The following ODAM variants were observed in gnomAD, a reference collection of about 807,000 sequenced individuals.
The protein encoded by ODAM is odontogenic, ameloblast associated.
ODAM carries 55 observed loss-of-function variants against 48.5 expected under a neutral mutation model. The ratio of observed to expected loss-of-function variants is 1.13; its 90% confidence interval spans 0.91 to 1.42. The LOEUF is 1.42. Among genes scored for constraint, ODAM ranks in the 40% most tolerant of loss-of-function variants. The pLI is 0.00. For synonymous variants in ODAM, 127 were observed against 107.8 expected (o/e 1.18, Z -1.10); for missense variants, 353 against 323.6 (o/e 1.09, Z -0.70).
At chr4:70,199,973 T>A (rs192862115) in intron 6 of ODAM, 33 of 320,726 alleles carry the variant, frequency 1.0e-4, no homozygotes, top group Middle Eastern at 1.1e-3. Flanking sequence ...TGGGGAAGTT[T>A]CAGATGATTT....
At chr4:70,202,094 T>C (rs563207111) in intron 8 of ODAM, among the ~76,000 whole-genome samples, 164 bp from the exon 9 acceptor site, 30 of 152,066 alleles carry the variant, frequency 2.0e-4, no homozygotes, top group African/African-American at 7.2e-4. Context: ...AGGCGAGATG[T>C]CAAGCCAGTT....
chr4:70,201,404 G>T, intron 7 of ODAM, 50 bp from the exon 8 acceptor site: 2 of 896,090 alleles, frequency 2.2e-6, no homozygotes, highest in East Asian at 2.7e-5. Context: ...GCAAACTTAC[G>T]ACAAGAATAA....
At chr4:70,200,662 AT>A in intron 7 of ODAM, 61 bp downstream of exon 7, 2 of 1,108,488 alleles carry the variant, frequency 1.8e-6, no homozygotes, top group Non-Finnish European at 2.6e-6. Flanking sequence ...AAAATAAGGT[AT>A]ATTACCATAG....
intron 11 of ODAM, 119 bp from the exon 12 acceptor site, chr4:70,204,056 A>G (rs1158163350): frequency 6.6e-6 from 1 of 151,986 alleles, no homozygotes; most frequent in African/African-American, 2.4e-5. Context: ...TTCTGTATGT[A>G]TGAATGCCAG....
At chr4:70,203,039 T>A in intron 10 of ODAM, 117 bp from the exon 11 acceptor site, 1 of 1,290,720 alleles carries the variant, frequency 7.7e-7, no homozygotes. Context: ...TAATGAAAAA[T>A]ATGTGGTCTT....
chr4:70,197,770 T>C lies in ODAM; in HGVS notation c.142-154T>C, dbSNP rs1729403365. The C allele has an allele frequency of 4.7e-6, 3 of 638,760 alleles. No homozygotes were observed. In the East Asian group the frequency reaches 8.2e-5, roughly 17 times the overall value. The allele number at this position is 638,760 out of a possible 1,614,324, so 39.6% of individuals were successfully genotyped here. A position where few individuals can be genotyped will look rare whatever the true frequency, so the allele number is the denominator to read the frequency against. On this transcript the variant is annotated intron_variant, in intron 4 of 11. Coordinates refer to ENST00000683306, the MANE Select transcript of ODAM (RefSeq NM_017855.4). ...TAGCATTTGCTTCGTATTATTTGCT[T>C]GGTTCAAAATGAATCAAGATGCTGT... is the stretch of plus-strand genomic sequence containing the variant.
intron 3 of ODAM, among the ~76,000 whole-genome samples, 162 bp downstream of exon 3, chr4:70,196,895 C>T (rs1216032624): frequency 1.3e-5 from 2 of 151,864 alleles, no homozygotes; most frequent in Admixed American, 6.6e-5. Context: ...AACAGGTTAC[C>T]TCTAAAATAT....
At chr4:70,195,933 A>G (rs1729346368) in intron 1 of ODAM, 140 bp downstream of exon 1, 1 of 165,378 alleles carries the variant, frequency 6.0e-6, no homozygotes, top group African/African-American at 2.4e-5. Context: ...TCTAGAAGAC[A>G]AGAGAAATAT....
chr4:70,202,927 T>G lies in ODAM; in HGVS notation c.810+10T>G. The G allele has an allele frequency of 1.3e-6, 2 of 1,591,312 alleles. No homozygotes were observed. The highest frequency in any genetic ancestry group is 1.7e-6 in the Non-Finnish European group (2 of 1,172,262). Reference sequence around the variant, plus strand: ...GCTCCCAGAAGAGAAGGTAGAGTCATGAAAACTTCACTTTATGCAAAAAAA... The same window carrying G: ...GCTCCCAGAAGAGAAGGTAGAGTCAGGAAAACTTCACTTTATGCAAAAAAA... On this transcript the variant is annotated intron_variant, in intron 10 of 11. Coordinates refer to ENST00000683306, the MANE Select transcript of ODAM (RefSeq NM_017855.4).
rs780273282 is a variant in ODAM at position 70,196,534 on chromosome 4, T to C, written c.-10T>C. On this transcript the variant is annotated 5_prime_UTR_variant, in exon 2 of 12. Transcript: ENST00000683306. ...GATCACAACTTATTTTCTAGATATA[T>C]CATACGAAAATGAAAATTATAATTC... 3 of 1,542,026 alleles carry C rather than the reference T, an allele frequency of 1.9e-6. No homozygotes were observed. The highest frequency in any genetic ancestry group is 2.7e-6 in the Non-Finnish European group (3 of 1,125,034).
rs1171073772 is a variant in ODAM at position 70,196,574 on chromosome 4, G to A, written c.31G>A (p.Gly11Arg). 1 of 1,596,172 alleles carries A rather than the reference G, an allele frequency of 6.3e-7. No homozygotes were observed. The highest frequency in any genetic ancestry group is 8.6e-7 in the Non-Finnish European group (1 of 1,167,092). MKIIILLGFLGATLSAPLIPQ... is the reference protein window; with the variant it reads MKIIILLGFLRATLSAPLIPQ... Reference sequence around the variant, plus strand: ...AATTATAATTCTTCTTGGATTCCTGGGAGCCACATTGTCAGCCCCAGTAAG... The same window carrying A: ...AATTATAATTCTTCTTGGATTCCTGAGAGCCACATTGTCAGCCCCAGTAAG... The change falls in exon 2 of 12, where the codon GGA becomes AGA. Residue 11 changes from glycine (G) to arginine (R), a missense_variant. By Grantham distance (125) the Gly-to-Arg change is moderately radical (BLOSUM62 -2). Transcript: ENST00000683306.
chr4:70,195,978 G>A (rs538353991), intron 1 of ODAM, among the ~76,000 whole-genome samples, 185 bp downstream of exon 1: 2 of 152,002 alleles, frequency 1.3e-5, no homozygotes, highest in East Asian at 3.9e-4. Flanking sequence ...CAATATCACA[G>A]TTCAGTTTTA....
chr4:70,201,610 A>G (rs1246534024), intron 8 of ODAM, 109 bp downstream of exon 8: 1 of 663,004 alleles, frequency 1.5e-6, no homozygotes, highest in African/African-American at 1.9e-5. Flanking sequence ...CGCACCTCTA[A>G]TTGAACAAAA....
At chr4:70,196,801 T>C in intron 3 of ODAM, 68 bp downstream of exon 3, 2 of 1,297,012 alleles carry the variant, frequency 1.5e-6, no homozygotes, top group Non-Finnish European at 2.2e-6. Flanking sequence ...GAGATAGAAG[T>C]CGTCATTTAA....
At chr4:70,202,226 T>C in intron 8 of ODAM, 32 bp from the exon 9 acceptor site, 1 of 1,569,840 alleles carries the variant, frequency 6.4e-7, no homozygotes, top group Non-Finnish European at 8.8e-7. Flanking sequence ...CGATCACTGA[T>C]TTAGACTTTT....
chr4:70,196,939 CA>C (rs1484603329), intron 3 of ODAM, among the ~76,000 whole-genome samples: 2 of 151,942 alleles, frequency 1.3e-5, no homozygotes, highest in Non-Finnish European at 2.9e-5. Flanking sequence ...GTTAATTCTT[CA>C]AAGGCGGATA....
In ODAM at chr4:70,202,981, A is replaced by G. The variant is rs902013661; in HGVS notation, c.810+64A>G. The G allele has an allele frequency of 3.1e-5, 46 of 1,473,046 alleles. No homozygotes were observed. In the Admixed American group the frequency reaches 8.9e-4, roughly 29 times the overall value. The allele number at this position is 1,473,046 out of a possible 1,614,324, so 91.2% of individuals were successfully genotyped here. A position where few individuals can be genotyped will look rare whatever the true frequency, so the allele number is the denominator to read the frequency against. ...TCTAATGAAAAAATACAGTGATAAA[A>G]TTAGTGCTTTAATTTATAGGACTTA... On this transcript the variant is annotated intron_variant, in intron 10 of 11. Coordinates refer to ENST00000683306, the MANE Select transcript of ODAM (RefSeq NM_017855.4).
chr4:70,199,641 C>T (rs1005817803), intron 6 of ODAM, among the ~76,000 whole-genome samples: 16 of 151,910 alleles, frequency 1.1e-4, no homozygotes, highest in African/African-American at 2.9e-4. Flanking sequence ...AAATTACAGA[C>T]GTCTGAACCC....
At chr4:70,201,211 T>C (rs1192793584) in intron 7 of ODAM, among the ~76,000 whole-genome samples, 1 of 151,854 alleles carries the variant, frequency 6.6e-6, no homozygotes, top group Non-Finnish European at 1.5e-5. Context: ...AAACTGGTAG[T>C]ATTAATTCTA....
Sources: allele counts gnomAD v4.1 joint callset (sites outside exome capture counted in the v4.1 genomes callset), GRCh38; gene constraint gnomAD v4.1.1; transcripts MANE v1.5; gene names NCBI Gene and HGNC (gene_info 2026-07-23, HGNC 2026-07-21).